FRMD4A: variants seen among roughly 807,000 people sequenced by gnomAD.
FRMD4A encodes FERM domain-containing protein 4A.
FRMD4A carries 29 observed loss-of-function variants against 129.1 expected under a neutral mutation model. That is an observed-to-expected ratio of 0.22 (90% CI 0.17 to 0.31). The LOEUF is 0.31. Ranked by LOEUF, FRMD4A falls within the 10% of genes least tolerant of loss-of-function variation. The pLI is 1.00. For missense variants in FRMD4A, 1,272 were observed against 1,375.8 expected, an observed-to-expected ratio of 0.92 and a Z score of 1.19; for synonymous variants, 634 against 571.6, an observed-to-expected ratio of 1.11 and a Z score of -1.56.
rs1286034647 is a variant in FRMD4A, at chr10:14,008,365, C to T, written c.46-149453G>A. On this transcript the variant is annotated intron_variant, in intron 2 of 24. Coordinates refer to ENST00000357447, the MANE Select transcript of FRMD4A (RefSeq NM_018027.5). ...GAGGGGGGATGGGAAGAAAGAAAAC[C>T]AGCCCAAGTTCTGCAACTTCAGCGC... 2.9e-6 allele frequency: 3 copies of T among 1,029,528 alleles called. No homozygotes were observed. The African/African-American group carries it at 5.1e-5, about 17-fold the overall frequency. 63.8% of individuals were successfully genotyped at this position (1,029,528 alleles called of 1,614,324 possible). A position where few individuals can be genotyped will look rare whatever the true frequency, so the allele number is the denominator to read the frequency against.
At chr10:13,685,361 A>G in intron 15 of FRMD4A, 1 of 984,474 alleles carries the variant, frequency 1.0e-6, no homozygotes, top group Non-Finnish European at 1.2e-6. Context: ...TAACAGAGAG[A>G]GAGGAGAATG....
chr10:14,199,071 C>G (rs1400222747), intron 2 of FRMD4A, among the ~76,000 whole-genome samples: 21 of 151,968 alleles, frequency 1.4e-4, no homozygotes, highest in Admixed American at 1.4e-3. Flanking sequence ...CCTTTCTTAT[C>G]CAGTCCATTT....
intron 2 of FRMD4A, among the ~76,000 whole-genome samples, chr10:14,113,436 A>G (rs1429852685): frequency 6.6e-6 from 1 of 152,186 alleles, no homozygotes; most frequent in Non-Finnish European, 1.5e-5. Flanking sequence ...TCTCTAGCTT[A>G]CTTTATTGTG....
At chr10:14,205,470 A>C (rs2131946584) in intron 2 of FRMD4A, among the ~76,000 whole-genome samples, 1 of 152,278 alleles carries the variant, frequency 6.6e-6, no homozygotes, top group East Asian at 1.9e-4. Flanking sequence ...TTACTGTGAA[A>C]GTGGACTAAG....
chr10:14,316,524 A>AAGAAG (rs1554808604), intron 2 of FRMD4A, among the ~76,000 whole-genome samples: 85 of 132,662 alleles, frequency 6.4e-4, no homozygotes, highest in East Asian at 4.5e-3. Context: ...AAAAAAAAAA[A>AAGAAG]AAGAAGAAGA....
At chr10:13,981,765 A>G (rs1338379549) in intron 2 of FRMD4A, among the ~76,000 whole-genome samples, 2 of 144,186 alleles carry the variant, frequency 1.4e-5, no homozygotes, top group Non-Finnish European at 3.0e-5. Flanking sequence ...AAAAAAAAAA[A>G]AGGGAGGCCA....
At chr10:14,034,911 T>G (rs998469674) in intron 2 of FRMD4A, among the ~76,000 whole-genome samples, 2 of 152,164 alleles carry the variant, frequency 1.3e-5, no homozygotes, top group African/African-American at 4.8e-5. Context: ...TGCAGGTGCA[T>G]AGTGGAACAC....
At chr10:14,127,944 T>TTCTTTCTTTCTTTCTTTCTC in intron 2 of FRMD4A, among the ~76,000 whole-genome samples, 1 of 15,276 alleles carries the variant, frequency 6.5e-5, no homozygotes, top group Admixed American at 7.6e-4. Flanking sequence ...CTTTCTTTCT[T>TTCTTTCTTTCTTTCTTTCTC]TCTTTCTTTC....
At chr10:14,031,519 C>T (rs936512564) in intron 2 of FRMD4A, among the ~76,000 whole-genome samples, 9 of 152,314 alleles carry the variant, frequency 5.9e-5, no homozygotes, top group African/African-American at 1.9e-4. Context: ...CCACCTGCCT[C>T]GGCCTCCCGA....
intron 2 of FRMD4A, among the ~76,000 whole-genome samples, chr10:14,287,876 A>G (rs1252262653): frequency 6.6e-6 from 1 of 152,174 alleles, no homozygotes; most frequent in Non-Finnish European, 1.5e-5. Context: ...TAGGATGTTA[A>G]AACCATAATT....
At chr10:14,058,287 C>A (rs1395888246) in intron 2 of FRMD4A, among the ~76,000 whole-genome samples, 1 of 152,124 alleles carries the variant, frequency 6.6e-6, no homozygotes, top group Non-Finnish European at 1.5e-5. Context: ...AGTTACACAC[C>A]TATTGCTTTT....
intron 2 of FRMD4A, among the ~76,000 whole-genome samples, chr10:14,185,527 A>G (rs907089162): frequency 2.6e-5 from 4 of 152,216 alleles, no homozygotes; most frequent in South Asian, 2.1e-4. Context: ...TTTGTTGTAG[A>G]ACTATGGAAA....
chr10:13,865,946 T>C (rs111593025), intron 2 of FRMD4A, among the ~76,000 whole-genome samples: 3,287 of 152,196 alleles, frequency 0.022, 128 homozygotes, highest in African/African-American at 0.075. Context: ...GAGAGCTGTT[T>C]AGTGAGATGT....
chr10:13,675,063 G>A lies in FRMD4A; in HGVS notation c.1118-19C>T. 6.2e-7 allele frequency: 1 copy of A among 1,609,272 alleles called. No individual in the cohort carries two copies. Among genetic ancestry groups the A allele is most frequent in the Non-Finnish European group, 8.5e-7 (1 of 1,179,284 alleles). ...TGAGAACCTGTCGATAAACAGTGGG[G>A]TTACTTGGCCAGCTGACAGGGGACA... is the stretch of plus-strand genomic sequence containing the variant. On this transcript the variant is annotated intron_variant, in intron 15 of 24. Coordinates refer to ENST00000357447, the MANE Select transcript of FRMD4A (RefSeq NM_018027.5).
chr10:13,959,252 T>A (rs1160708058), intron 2 of FRMD4A, among the ~76,000 whole-genome samples: 1 of 152,018 alleles, frequency 6.6e-6, no homozygotes, highest in Admixed American at 6.5e-5. Context: ...GGCAGGCAGA[T>A]CATGAGGTCA....
intron 2 of FRMD4A, among the ~76,000 whole-genome samples, chr10:14,183,857 T>C (rs1373734823): frequency 6.6e-6 from 1 of 152,210 alleles, no homozygotes; most frequent in African/African-American, 2.4e-5. Context: ...GACATGATTT[T>C]TCTGACTCAG....
intron 2 of FRMD4A, among the ~76,000 whole-genome samples, chr10:13,872,539 G>T (rs1271049146): frequency 6.6e-6 from 1 of 152,242 alleles, no homozygotes; most frequent in Non-Finnish European, 1.5e-5. Flanking sequence ...AGGTTCTTAC[G>T]CATGCACGTA....
At chr10:14,170,168 T>A (rs935647092) in intron 2 of FRMD4A, among the ~76,000 whole-genome samples, 1 of 152,234 alleles carries the variant, frequency 6.6e-6, no homozygotes, top group Non-Finnish European at 1.5e-5. Flanking sequence ...GATCCTATAT[T>A]GTGTGTATTT....
intron 17 of FRMD4A, among the ~76,000 whole-genome samples, chr10:13,666,527 G>T (rs1230131730): frequency 3.3e-5 from 5 of 152,194 alleles, no homozygotes; most frequent in Non-Finnish European, 7.3e-5. Context: ...CTGAAGACAA[G>T]TGTTGGTGTG....
Sources: allele counts gnomAD v4.1 joint callset (sites outside exome capture counted in the v4.1 genomes callset), GRCh38; gene constraint gnomAD v4.1.1; transcripts MANE v1.5; gene names NCBI Gene and HGNC (gene_info 2026-07-23, HGNC 2026-07-21).